EDA: variants seen among roughly 807,000 people sequenced by gnomAD.
EDA encodes the protein ectodysplasin-A.
A neutral mutation model predicts 23.6 loss-of-function variants in EDA; 2 were observed. That is an observed-to-expected ratio of 0.08 (90% confidence interval 0.03 to 0.27). The LOEUF is 0.27. Among genes scored for constraint, EDA ranks in the 10% least tolerant of loss-of-function variants. The pLI, the probability that EDA is intolerant of heterozygous loss-of-function variation, is 1.00. For missense variants in EDA, 229 were observed against 324.2 expected (o/e 0.71, Z 2.26); for synonymous variants, 131 against 132.0 (o/e 0.99, Z 0.05).
At chrX:69,679,186 T>C (rs1934231417) in intron 1 of EDA, among the ~76,000 whole-genome samples, 1 of 108,671 alleles carries the variant, frequency 9.2e-6, no homozygotes, top group African/African-American at 3.4e-5. Context: ...TTGATCATGG[T>C]GGATAAGCTT....
intron 1 of EDA, among the ~76,000 whole-genome samples, chrX:69,818,370 C>T (rs1178012601): frequency 2.7e-5 from 3 of 111,305 alleles, no homozygotes; most frequent in African/African-American, 9.8e-5. Context: ...TAACGAAGAT[C>T]AGAGCTGAAC....
Position 70,038,578 on chromosome X carries a change from G to A in EDA, c.*2969G>A, listed in dbSNP as rs745952874. ...AACAGCCAAGCTGGCACAAAAGACAGCTGGCGGAGGCTGCTCGGCTACTGG... is the reference window on the plus strand; with the variant it reads ...AACAGCCAAGCTGGCACAAAAGACAACTGGCGGAGGCTGCTCGGCTACTGG... On this transcript the variant is annotated 3_prime_UTR_variant, in exon 8 of 8. Transcript: ENST00000374552. 2 of 111,246 alleles carry A rather than the reference G, an allele frequency of 1.8e-5. No homozygotes were observed. The highest frequency in any genetic ancestry group is 5.8e-4 in the East Asian group (2 of 3,467). 9.2% of individuals were successfully genotyped at this position (111,246 alleles called of 1,213,427 possible). A position where few individuals can be genotyped will look rare whatever the true frequency, so the allele number is the denominator to read the frequency against.
intron 1 of EDA, among the ~76,000 whole-genome samples, chrX:69,849,173 G>C (rs1283929238): frequency 9.3e-6 from 1 of 108,060 alleles, no homozygotes; most frequent in Non-Finnish European, 1.9e-5. Context: ...GGAGTTCTGA[G>C]ATTCAAGGAG....
chrX:70,035,449 G>C lies in EDA; in HGVS notation c.1016G>C (p.Gly339Ala), dbSNP rs2020253556. ...CAGTGCACACGCAGCATCGAGACGG[G>C]CAAGACCAACTACAACACTTGCTAT... ...FLQCTRSIETGKTNYNTCYTA... is the reference protein window; with the variant it reads ...FLQCTRSIETAKTNYNTCYTA... Residue 339 changes from glycine (G) to alanine (A), a missense_variant, in exon 8 of 8, where the codon GGC becomes GCC. Gly to Ala is a moderately conservative substitution (Grantham distance 60, BLOSUM62 0). Coordinates refer to ENST00000374552, the MANE Select transcript of EDA (RefSeq NM_001399.5). 8.3e-7 allele frequency: 1 copy of C among 1,207,896 alleles called. No individual in the cohort carries two copies. The highest frequency in any genetic ancestry group is 2.2e-5 in the Admixed American group (1 of 45,414).
At chrX:69,996,859 G>A (rs1424751233) in intron 2 of EDA, among the ~76,000 whole-genome samples, 2 of 112,187 alleles carry the variant, frequency 1.8e-5, no homozygotes, top group Non-Finnish European at 3.8e-5. Flanking sequence ...TTTGATAAGG[G>A]CAAACATGTT....
chrX:69,763,790 C>T lies in EDA; in HGVS notation c.396+147086C>T, dbSNP rs560603691. Among the ~76,000 whole-genome samples the T allele has an allele frequency of 2.7e-5, 3 of 111,535 alleles. 1 individual carries two copies. The South Asian group carries it at 1.1e-3, about 42-fold the overall frequency. ...GTTCTCTGTCTGATACATCAGTTAG[C>T]GTTAGTGCCCTGTGGCTAAAAAGGA... On this transcript the variant is annotated intron_variant, in intron 1 of 7. Coordinates refer to ENST00000374552, the MANE Select transcript of EDA (RefSeq NM_001399.5).
At chrX:69,976,282 A>G (rs1486188967) in intron 2 of EDA, among the ~76,000 whole-genome samples, 1 of 111,417 alleles carries the variant, frequency 9.0e-6, no homozygotes, top group Non-Finnish European at 1.9e-5. Flanking sequence ...GTGAACATCA[A>G]AGTTATCCCT....
At chrX:69,870,082 A>C (rs1321090711) in intron 1 of EDA, among the ~76,000 whole-genome samples, 3 of 111,714 alleles carry the variant, frequency 2.7e-5, no homozygotes, top group Non-Finnish European at 5.6e-5. Flanking sequence ...ACATTAAACC[A>C]AGAAAGATCA....
intron 1 of EDA, among the ~76,000 whole-genome samples, chrX:69,872,155 A>C (rs763910897): frequency 8.9e-6 from 1 of 112,039 alleles, no homozygotes; most frequent in African/African-American, 3.2e-5. Context: ...ACTAAGCTTC[A>C]TAAATGAAGG....
At chrX:69,725,533 T>G (rs1006650925) in intron 1 of EDA, among the ~76,000 whole-genome samples, 3 of 112,572 alleles carry the variant, frequency 2.7e-5, no homozygotes, top group African/African-American at 9.7e-5. Flanking sequence ...TTTACATACT[T>G]AAGCAATGTA....
At position 70,037,238 on chromosome X, in the gene EDA, T is replaced by C. The variant is rs1336531480; in HGVS notation, c.*1629T>C. ...ATTCACCAAGAACAGCGGGTACTTA[T>C]TTCTCAGCTGTGCCTTCCCTTTCTA... On this transcript the variant is annotated 3_prime_UTR_variant, in exon 8 of 8. Coordinates refer to ENST00000374552, the MANE Select transcript of EDA (RefSeq NM_001399.5). 1 of 112,118 alleles carries C rather than the reference T, an allele frequency of 8.9e-6. No individual in the cohort carries two copies. Among genetic ancestry groups the C allele is most frequent in the African/African-American group, 3.2e-5 (1 of 30,813 alleles). The allele number at this position is 112,118 out of a possible 1,213,427, so 9.2% of individuals were successfully genotyped here.
At chrX:69,654,431 G>T (rs1355695770) in intron 1 of EDA, among the ~76,000 whole-genome samples, 5 of 111,547 alleles carry the variant, frequency 4.5e-5, no homozygotes, top group Non-Finnish European at 9.4e-5. Flanking sequence ...ATTTGAACCA[G>T]CCATCCCATT....
chrX:69,727,713 C>G (rs1419126530), intron 1 of EDA, among the ~76,000 whole-genome samples: 2 of 111,988 alleles, frequency 1.8e-5, no homozygotes, highest in Admixed American at 1.9e-4. Flanking sequence ...CTTAAATCTG[C>G]ATCTTTAAGA....
rs750171078 is a variant in EDA at position 69,833,151 on chromosome X, A to G, written c.397-123876A>G. Among the ~76,000 whole-genome samples the G allele has an allele frequency of 1.2e-4, 14 of 112,031 alleles. No individual in the cohort carries two copies. The East Asian group carries it at 3.9e-3, about 31-fold the overall frequency. On this transcript the variant is annotated intron_variant, in intron 1 of 7. Coordinates refer to ENST00000374552, the MANE Select transcript of EDA (RefSeq NM_001399.5). ...AAGGGAATGCTTCCAGTTTTTGCCC[A>G]TTCAGTATGATACTGGCTGTGGGTT...
chrX:69,808,369 A>T (rs1314413860), intron 1 of EDA, among the ~76,000 whole-genome samples: 1 of 111,704 alleles, frequency 9.0e-6, no homozygotes, highest in African/African-American at 3.3e-5. Context: ...TCCTAGCATC[A>T]ATATGTATCA....
intron 1 of EDA, among the ~76,000 whole-genome samples, chrX:69,632,223 G>A (rs746652690): frequency 1.8e-5 from 2 of 111,591 alleles, no homozygotes; most frequent in African/African-American, 6.5e-5. Context: ...AAATCAAAGA[G>A]CAGTAGCCAT....
Position 69,649,597 on chromosome X carries a change from T to A in EDA, c.396+32893T>A, listed in dbSNP as rs1026264071. ...AGTATGTGAAATACAGTCTTTTTTT[T>A]TTTTTTTGAGACAGGGTCTCACTCT... On this transcript the variant is annotated intron_variant, in intron 1 of 7. Coordinates refer to ENST00000374552, the MANE Select transcript of EDA (RefSeq NM_001399.5). Among the ~76,000 whole-genome samples, 4 of 109,878 alleles carry A rather than the reference T, an allele frequency of 3.6e-5. No individual in the cohort carries two copies. The East Asian group carries it at 1.1e-3, about 31-fold the overall frequency.
At chrX:69,788,893 C>T (rs1287693018) in intron 1 of EDA, among the ~76,000 whole-genome samples, 3 of 112,069 alleles carry the variant, frequency 2.7e-5, no homozygotes, top group Non-Finnish European at 5.6e-5. Flanking sequence ...CCCCCAGCCT[C>T]GCTGCCGCCT....
At chrX:69,647,017 T>C (rs746767375) in intron 1 of EDA, among the ~76,000 whole-genome samples, 1 of 111,784 alleles carries the variant, frequency 8.9e-6, no homozygotes, top group African/African-American at 3.3e-5. Context: ...TTGAATATTG[T>C]CCCCCAGTCT....
Sources: allele counts gnomAD v4.1 joint callset (sites outside exome capture counted in the v4.1 genomes callset), GRCh38; gene constraint gnomAD v4.1.1; transcripts MANE v1.5; gene names NCBI Gene and HGNC (gene_info 2026-07-23, HGNC 2026-07-21).